MCTP2: variants seen among roughly 807,000 people sequenced by gnomAD.
The protein encoded by MCTP2 is multiple C2 and transmembrane domain-containing protein 2.
MCTP2 carries 132 observed loss-of-function variants against 111.6 expected under a neutral mutation model. That is an observed-to-expected ratio of 1.18 (90% CI 1.03 to 1.37). MCTP2 has a LOEUF of 1.37. Ranked by LOEUF, MCTP2 falls within the 40% of genes most tolerant of loss-of-function variation. The pLI is 0.00. For synonymous variants in MCTP2, 395 were observed against 387.7 expected, an observed-to-expected ratio of 1.02 and a Z score of -0.22; for missense variants, 1,183 against 1,067.9, an observed-to-expected ratio of 1.11 and a Z score of -1.50.
At chr15:94,464,140 ACTTC>A (rs2085377934) in intron 20 of MCTP2, among the ~76,000 whole-genome samples, 1 of 148,488 alleles carries the variant, frequency 6.7e-6, no homozygotes, top group African/African-American at 2.5e-5. Flanking sequence ...TGATATCATT[ACTTC>A]CTTTAAGATT....
At chr15:94,466,821 T>C (rs2073365339) in intron 20 of MCTP2, among the ~76,000 whole-genome samples, 3 of 152,130 alleles carry the variant, frequency 2.0e-5, no homozygotes, top group Non-Finnish European at 4.4e-5. Context: ...CATGGCTTTT[T>C]TTCTGTTGAT....
intron 1 of MCTP2, among the ~76,000 whole-genome samples, chr15:94,278,490 A>G (rs2074322374): frequency 1.3e-5 from 2 of 152,190 alleles, no homozygotes; most frequent in Admixed American, 6.5e-5. Context: ...GATAGAGTAA[A>G]TGACTGGTTG....
chr15:94,248,906 A>G (rs763059112), intron 1 of MCTP2, among the ~76,000 whole-genome samples: 10 of 152,222 alleles, frequency 6.6e-5, no homozygotes, highest in Non-Finnish European at 1.2e-4. Flanking sequence ...ATGGAACAGT[A>G]TGCTTTGGGT....
chr15:94,245,230 A>G (rs1348954051), intron 1 of MCTP2, among the ~76,000 whole-genome samples: 21 of 141,102 alleles, frequency 1.5e-4, no homozygotes, highest in African/African-American at 5.1e-4. Context: ...ATATATACAT[A>G]TGTATGTATA....
At chr15:94,473,343 C>T (rs573774781) in intron 21 of MCTP2, among the ~76,000 whole-genome samples, 4 of 152,204 alleles carry the variant, frequency 2.6e-5, no homozygotes, top group Non-Finnish European at 5.9e-5. Flanking sequence ...AGCCTGCAAG[C>T]TTAATACCTG....
rs750801927 is a variant in MCTP2 at position 94,240,314 on chromosome 15, C to A, written c.-66+8650C>A. Among the ~76,000 whole-genome samples the A allele has an allele frequency of 1.4e-3, 207 of 152,254 alleles. 1 individual carries two copies. Among genetic ancestry groups the A allele is most frequent in the Middle Eastern group, 3.4e-3 (1 of 294 alleles). On this transcript the variant is annotated intron_variant, in intron 1 of 22. Coordinates refer to ENST00000357742, the MANE Select transcript of MCTP2 (RefSeq NM_001385001.1). ...GAAACCTAGAACTTGCACAAGGTCA[C>A]CCAACTGGGTTGGAAATCTGGCCTA...
intron 17 of MCTP2, among the ~76,000 whole-genome samples, chr15:94,423,139 A>G (rs1292524592): frequency 6.6e-6 from 1 of 152,192 alleles, no homozygotes; most frequent in East Asian, 1.9e-4. Flanking sequence ...AGAGCCTAAC[A>G]AACTTTGTCT....
At chr15:94,395,139 AT>A (rs2081215369) in intron 14 of MCTP2, among the ~76,000 whole-genome samples, 2 of 152,078 alleles carry the variant, frequency 1.3e-5, no homozygotes, top group African/African-American at 2.4e-5. Context: ...AAGTGTATTG[AT>A]TTTCCTCTTG....
intron 17 of MCTP2, among the ~76,000 whole-genome samples, chr15:94,418,239 C>A (rs2082463366): frequency 6.6e-6 from 1 of 152,112 alleles, no homozygotes; most frequent in South Asian, 2.1e-4. Context: ...ATTAGAATCC[C>A]ATTGGACTTC....
chr15:94,356,720 C>T (rs1404816569), intron 9 of MCTP2, among the ~76,000 whole-genome samples: 1 of 151,956 alleles, frequency 6.6e-6, no homozygotes, highest in Non-Finnish European at 1.5e-5. Flanking sequence ...GCTTGCTAGT[C>T]TTCACGCCAA....
At chr15:94,261,688 T>G (rs1268187541) in intron 1 of MCTP2, among the ~76,000 whole-genome samples, 2 of 152,230 alleles carry the variant, frequency 1.3e-5, no homozygotes, top group African/African-American at 4.8e-5. Flanking sequence ...GTATTCCAGA[T>G]AGTGTCGCTT....
At chr15:94,249,600 C>T (rs1414410088) in intron 1 of MCTP2, among the ~76,000 whole-genome samples, 1 of 152,046 alleles carries the variant, frequency 6.6e-6, no homozygotes, top group Non-Finnish European at 1.5e-5. Context: ...ATTCTCCTGC[C>T]TCAGCCTCTT....
Position 94,480,552 on chromosome 15 carries a change from G to A in MCTP2, c.*1518G>A, listed in dbSNP as rs1270438188. 1 of 152,200 alleles carries A rather than the reference G, an allele frequency of 6.6e-6. No homozygotes were observed. The highest frequency in any genetic ancestry group is 1.5e-5 in the Non-Finnish European group (1 of 68,026). The allele number at this position is 152,200 out of a possible 1,614,324, so 9.4% of individuals were successfully genotyped here. A position where few individuals can be genotyped will look rare whatever the true frequency, so the allele number is the denominator to read the frequency against. ...AATTATAAAAGCTCCAGTAAATCTC[G>A]TAGTTGTACATACAATAGATACCCA... On this transcript the variant is annotated 3_prime_UTR_variant, in exon 23 of 23. Transcript: ENST00000357742.
intron 1 of MCTP2, among the ~76,000 whole-genome samples, chr15:94,287,040 T>G (rs916634690): frequency 7.2e-5 from 11 of 152,234 alleles, no homozygotes; most frequent in African/African-American, 2.7e-4. Context: ...CAAATATGTT[T>G]ATTTTTAAAT....
chr15:94,398,848 T>C, intron 14 of MCTP2, 113 bp from the exon 15 acceptor site: 1 of 615,854 alleles, frequency 1.6e-6, no homozygotes, highest in South Asian at 2.0e-5. Context: ...TAATGTTTGC[T>C]TCACCTGTGA....
intron 1 of MCTP2, among the ~76,000 whole-genome samples, chr15:94,265,926 G>A (rs2073495217): frequency 6.6e-6 from 1 of 152,170 alleles, no homozygotes; most frequent in Non-Finnish European, 1.5e-5. Context: ...CGCTGGGAGT[G>A]TAATTACCAC....
chr15:94,434,464 T>C, intron 17 of MCTP2, among the ~76,000 whole-genome samples: 1 of 152,186 alleles, frequency 6.6e-6, no homozygotes, highest in East Asian at 1.9e-4. Flanking sequence ...CAAGATTTTC[T>C]CTTATCCTTT....
chr15:94,459,925 C>T (rs1257200147), intron 20 of MCTP2, among the ~76,000 whole-genome samples: 1 of 152,150 alleles, frequency 6.6e-6, no homozygotes, highest in Non-Finnish European at 1.5e-5. Context: ...ATTCAAACCA[C>T]CCTATAAAGT....
chr15:94,298,875 C>T (rs1336802157), intron 2 of MCTP2, 145 bp downstream of exon 2: 2 of 369,834 alleles, frequency 5.4e-6, no homozygotes, highest in South Asian at 6.9e-5. Context: ...TCTCTCTCCC[C>T]CTCCCCCCTC....
Sources: gnomAD v4.1 joint callset for allele counts (sites outside exome capture counted in the v4.1 genomes callset) on GRCh38, gnomAD v4.1.1 for gene constraint, MANE v1.5 for transcripts, NCBI Gene and HGNC (gene_info 2026-07-23, HGNC 2026-07-21) for gene names.